MTRR: variants seen among roughly 807,000 people sequenced by gnomAD.
The protein encoded by MTRR is methionine synthase reductase.
A neutral mutation model predicts 79.2 loss-of-function variants in MTRR; 63 were observed. The observed-to-expected ratio is 0.80, with a 90% confidence interval of 0.65 to 0.98. The LOEUF (loss-of-function observed/expected upper bound fraction) is 0.98. Ranked by LOEUF, MTRR falls within the 50% of genes least tolerant of loss-of-function variation. The probability of loss-of-function intolerance (pLI) is 0.00; values close to 1 mark genes in which losing one functional copy is unlikely to be tolerated. For missense variants in MTRR, 895 were observed against 839.6 expected (o/e 1.07, Z -0.82); for synonymous variants, 355 against 313.3 (o/e 1.13, Z -1.41).
intron 11 of MTRR, among the ~76,000 whole-genome samples, chr5:7,893,936 G>T (rs1738066023): frequency 6.6e-6 from 1 of 152,160 alleles, no homozygotes; most frequent in Non-Finnish European, 1.5e-5. Flanking sequence ...GAACCTTACA[G>T]AAACTTTCTT....
Position 7,873,353 on chromosome 5 carries a change from T to A in MTRR, c.130-20T>A. 6.2e-7 allele frequency: 1 copy of A among 1,614,138 alleles called. No homozygotes were observed. Among genetic ancestry groups the A allele is most frequent in the Non-Finnish European group, 8.5e-7 (1 of 1,179,960 alleles). On this transcript the variant is annotated intron_variant, in intron 2 of 14. Coordinates refer to ENST00000440940, the MANE Select transcript of MTRR (RefSeq NM_002454.3). Reference sequence around the variant, plus strand: ...ATGCATGTAGTGTTAGGTCCCTGACTTGATATCCTTGTTTTGTAGTATGAC... The same window carrying A: ...ATGCATGTAGTGTTAGGTCCCTGACATGATATCCTTGTTTTGTAGTATGAC...
At chr5:7,881,403 G>C (rs988483138) in intron 5 of MTRR, among the ~76,000 whole-genome samples, 1 of 152,026 alleles carries the variant, frequency 6.6e-6, no homozygotes, top group African/African-American at 2.4e-5. Context: ...GGCATGTGCT[G>C]TGGGCAGAGG....
At position 7,884,590 on chromosome 5, in the gene MTRR, G is replaced by T. The variant is rs559300683; in HGVS notation, c.904-1111G>T. Among the ~76,000 whole-genome samples the T allele has an allele frequency of 3.1e-3, 471 of 152,262 alleles. 4 individuals are homozygous for T. The highest frequency in any genetic ancestry group is 0.011 in the African/African-American group (453 of 41,552). ...AGGGTGGAGAACCTGAGGATATGGA[G>T]GGCCAACTGTATATAGAAACATTTA... is the stretch of plus-strand genomic sequence containing the variant. On this transcript the variant is annotated intron_variant, in intron 6 of 14. Coordinates refer to ENST00000440940, the MANE Select transcript of MTRR (RefSeq NM_002454.3).
rs778738842 is a variant in MTRR at position 7,896,957 on chromosome 5, G to A, written c.1769+1G>A. 24 of 1,613,748 alleles carry A rather than the reference G, an allele frequency of 1.5e-5. No individual in the cohort carries two copies. The Admixed American group carries it at 3.7e-4, about 25-fold the overall frequency. Reference sequence around the variant, plus strand: ...ATAAGGATAGGGATTATCTATTCAGGTATTGTACAATTCCAGTATTGTACT... The same window carrying A: ...ATAAGGATAGGGATTATCTATTCAGATATTGTACAATTCCAGTATTGTACT... On this transcript the variant is annotated splice_donor_variant, in intron 13 of 14. Coordinates refer to ENST00000440940, the MANE Select transcript of MTRR (RefSeq NM_002454.3). LOFTEE classifies it high-confidence loss of function.
At chr5:7,858,092 C>T (rs544304522) in intron 1 of MTRR, among the ~76,000 whole-genome samples, 1 of 152,096 alleles carries the variant, frequency 6.6e-6, no homozygotes, top group South Asian at 2.1e-4. Context: ...GGTTGAGTTT[C>T]GCACCAAAAA....
intron 7 of MTRR, among the ~76,000 whole-genome samples, 197 bp from the exon 8 acceptor site, chr5:7,886,418 C>A (rs1009402045): frequency 3.3e-5 from 5 of 151,800 alleles, no homozygotes; most frequent in African/African-American, 1.2e-4. Flanking sequence ...TTATAGTCTT[C>A]TTATGTTTTT....
chr5:7,877,077 A>G (rs1463098025), intron 4 of MTRR, among the ~76,000 whole-genome samples: 1 of 152,206 alleles, frequency 6.6e-6, no homozygotes, highest in Non-Finnish European at 1.5e-5. Context: ...CTGAGTCATA[A>G]TGACACACGG....
Position 7,873,628 on chromosome 5 carries a change from CT to C in MTRR, c.283+105del. The C allele has an allele frequency of 3.0e-6, 4 of 1,350,546 alleles. No individual in the cohort carries two copies. In the South Asian group the frequency reaches 4.8e-5, roughly 16 times the overall value. 83.7% of individuals were successfully genotyped at this position (1,350,546 alleles called of 1,614,324 possible). On this transcript the variant is annotated intron_variant, in intron 3 of 14. Coordinates refer to ENST00000440940, the MANE Select transcript of MTRR (RefSeq NM_002454.3). ...TGAAGTGTGATCATATAGGTTTTGTCTTTCTTATGTAAATATTATGTATATG... is the reference window on the plus strand; with the variant it reads ...TGAAGTGTGATCATATAGGTTTTGTCTTCTTATGTAAATATTATGTATATG...
chr5:7,868,768 G>A (rs1340695115), upstream of MTRR, among the ~76,000 whole-genome samples: 8 of 152,160 alleles, frequency 5.3e-5, no homozygotes, highest in Non-Finnish European at 1.2e-4. Context: ...GGGGGATTTG[G>A]CAACACGTGT....
Position 7,900,190 on chromosome 5 carries a change from G to T in MTRR, c.*132G>T. On this transcript the variant is annotated 3_prime_UTR_variant, in exon 15 of 15. Transcript: ENST00000440940. ...CATTTCTTGAAGGACATGGAGTGGA[G>T]ATTGGATCATTTAACAATATAACAA... 1.0e-6 allele frequency: 1 copy of T among 1,003,160 alleles called. No homozygotes were observed. Among genetic ancestry groups the T allele is most frequent in the Non-Finnish European group, 1.5e-6 (1 of 679,730 alleles). The allele number at this position is 1,003,160 out of a possible 1,614,324, so 62.1% of individuals were successfully genotyped here.
At chr5:7,850,896 G>T (rs1399180499), upstream of MTRR, 4 of 1,354,864 alleles carry the variant, frequency 3.0e-6, no homozygotes, top group East Asian at 1.1e-4. Flanking sequence ...GGTAGTAGTA[G>T]CTGTGCTCTT....
intron 5 of MTRR, 84 bp from the exon 6 acceptor site, chr5:7,883,071 C>A: frequency 6.3e-7 from 1 of 1,580,606 alleles, no homozygotes. Context: ...TTTTGTAAGC[C>A]CCTGTGGATC....
At chr5:7,884,649 A>AC (rs1736121661) in intron 6 of MTRR, among the ~76,000 whole-genome samples, 1 of 151,954 alleles carries the variant, frequency 6.6e-6, no homozygotes. Flanking sequence ...GCCTCGATGC[A>AC]CCCCCTCCAT....
In MTRR at chr5:7,900,021, A is replaced by G; in HGVS notation, c.2060A>G (p.Lys687Arg). ...GCAATGAAAACCCTGGCCACTTTAA[A>G]AGAAGAAAAACGCTACCTTCAGGAT... Reference protein sequence around the residue: ...LEAMKTLATLKEEKRYLQDIW... With the variant: ...LEAMKTLATLREEKRYLQDIW... Residue 687 changes from lysine (K) to arginine (R), a missense_variant, in exon 15 of 15, where the codon AAA becomes AGA. Coordinates refer to ENST00000440940, the MANE Select transcript of MTRR (RefSeq NM_002454.3). The G allele has an allele frequency of 6.2e-7, 1 of 1,614,006 alleles. No homozygotes were observed. The highest frequency in any genetic ancestry group is 2.2e-5 in the East Asian group (1 of 44,870).
At chr5:7,883,357 T>G in intron 6 of MTRR, 80 bp downstream of exon 6, 1 of 1,579,048 alleles carries the variant, frequency 6.3e-7, no homozygotes, top group Non-Finnish European at 8.7e-7. Context: ...TGGTTATATA[T>G]GCTGAGTGGT....
At chr5:7,872,316 G>C in intron 2 of MTRR, 1 of 409,664 alleles carries the variant, frequency 2.4e-6, no homozygotes, top group East Asian at 7.2e-5. Flanking sequence ...GTAAGACAAG[G>C]AAGTGTTCTA....
rs1180405949 is a variant in MTRR, at chr5:7,870,761, A to G, written c.-25-9A>G. The G allele has an allele frequency of 8.1e-6, 13 of 1,613,876 alleles. No individual in the cohort carries two copies. The highest frequency in any genetic ancestry group is 5.3e-5 in the African/African-American group (4 of 74,862). The stretch of plus-strand genomic sequence containing the variant: ...TTAAAAAGAGGATCTTTTTTCCCCC[A>G]TTTTTCAGTTTCACTGTTACATGCC... On this transcript the variant is annotated splice_polypyrimidine_tract_variant and intron_variant, in intron 1 of 14. Transcript: ENST00000440940.
upstream of MTRR, chr5:7,867,817 C>T: frequency 6.2e-7 from 1 of 1,614,132 alleles, no homozygotes; most frequent in African/African-American, 1.3e-5. Context: ...TTTGTTCAAG[C>T]CTGTCGCAGT....
intron 14 of MTRR, 26 bp downstream of exon 14, chr5:7,897,273 G>GGTA: frequency 1.2e-6 from 2 of 1,612,136 alleles, no homozygotes; most frequent in Middle Eastern, 1.7e-4. Context: ...GCCTAAGTCG[G>GGTA]GTAGGAGAGG....
Sources: gnomAD v4.1 joint callset for allele counts (sites outside exome capture counted in the v4.1 genomes callset) on GRCh38, gnomAD v4.1.1 for gene constraint, MANE v1.5 for transcripts, NCBI Gene and HGNC (gene_info 2026-07-23, HGNC 2026-07-21) for gene names.